The following APBB2 variants were observed in gnomAD, a reference collection of about 807,000 sequenced individuals.
The protein encoded by APBB2 is amyloid beta precursor protein binding family B member 2, also known as Fe65-like 1.
APBB2 carries 38 observed loss-of-function variants against 82.5 expected under a neutral mutation model. The observed-to-expected ratio is 0.46, with a 90% CI of 0.36 to 0.60. APBB2 has a LOEUF of 0.60. Ranked by LOEUF, APBB2 falls within the 20% of genes least tolerant of loss-of-function variation. The pLI, the probability that APBB2 is intolerant of heterozygous loss-of-function variation, is 0.00. For missense variants in APBB2, 772 were observed against 972.3 expected (o/e 0.79, Z 2.74); for synonymous variants, 341 against 368.2 (o/e 0.93, Z 0.85).
At chr4:41,112,840 A>G (rs1329275185) in intron 2 of APBB2, among the ~76,000 whole-genome samples, 1 of 152,104 alleles carries the variant, frequency 6.6e-6, no homozygotes, top group Non-Finnish European at 1.5e-5. Flanking sequence ...ATGCAAAATT[A>G]GCCGGGTGTG....
intron 2 of APBB2, among the ~76,000 whole-genome samples, chr4:41,132,971 T>C (rs927833856): frequency 3.3e-5 from 5 of 151,976 alleles, no homozygotes; most frequent in South Asian, 2.1e-4. Context: ...AAAATTCAAA[T>C]ACAGAAAAGG....
intron 10 of APBB2, among the ~76,000 whole-genome samples, chr4:40,927,713 C>G (rs1406219366): frequency 6.6e-6 from 1 of 152,152 alleles, no homozygotes; most frequent in African/African-American, 2.4e-5. Flanking sequence ...AACTCCTGGG[C>G]TCAAGAGATC....
intron 6 of APBB2, among the ~76,000 whole-genome samples, chr4:40,992,477 T>A (rs1462737087): frequency 6.6e-6 from 1 of 152,056 alleles, no homozygotes; most frequent in Non-Finnish European, 1.5e-5. Flanking sequence ...TGCACCAGAT[T>A]GACACAGCTT....
chr4:41,187,087 C>A (rs988429393), intron 1 of APBB2, among the ~76,000 whole-genome samples: 2 of 152,046 alleles, frequency 1.3e-5, no homozygotes, highest in Admixed American at 6.6e-5. Context: ...GCAAACAACC[C>A]CAGCACAGAA....
intron 1 of APBB2, among the ~76,000 whole-genome samples, chr4:41,205,281 A>G (rs1777653092): frequency 6.6e-6 from 1 of 152,162 alleles, no homozygotes. Context: ...TAAAGGGAAG[A>G]GTTACTAAGC....
chr4:41,148,073 T>TA (rs999647613), intron 1 of APBB2, among the ~76,000 whole-genome samples: 4 of 151,578 alleles, frequency 2.6e-5, no homozygotes, highest in South Asian at 4.2e-4. Context: ...GAGGGTTCGT[T>TA]AAAAAAAAAT....
chr4:41,004,404 A>G (rs547426471), intron 6 of APBB2, among the ~76,000 whole-genome samples: 1 of 152,294 alleles, frequency 6.6e-6, no homozygotes, highest in South Asian at 2.1e-4. Context: ...ACACAAAGAC[A>G]CATTTTGTCA....
chr4:40,956,738 T>C (rs1791733383), intron 6 of APBB2, among the ~76,000 whole-genome samples: 1 of 152,222 alleles, frequency 6.6e-6, no homozygotes, highest in South Asian at 2.1e-4. Context: ...GGAAGCTATT[T>C]GTAGCTGAGG....
chr4:40,966,089 T>A (rs1488541361), intron 6 of APBB2, among the ~76,000 whole-genome samples: 1 of 152,224 alleles, frequency 6.6e-6, no homozygotes, highest in Admixed American at 6.5e-5. Context: ...AATTTACCAA[T>A]ATAGATGCAC....
chr4:41,051,507 T>G (rs1050154341), intron 4 of APBB2, among the ~76,000 whole-genome samples: 2 of 152,166 alleles, frequency 1.3e-5, no homozygotes, highest in African/African-American at 4.8e-5. Flanking sequence ...CTGGGTTAGG[T>G]GGACATTCAA....
intron 12 of APBB2, among the ~76,000 whole-genome samples, chr4:40,852,178 C>T (rs1397467395): frequency 2.7e-5 from 4 of 149,790 alleles, no homozygotes; most frequent in Non-Finnish European, 5.9e-5. Flanking sequence ...AGTGAAACCC[C>T]GTCTCTACTA....
intron 4 of APBB2, among the ~76,000 whole-genome samples, chr4:41,048,668 G>A (rs115788446): frequency 0.16 from 5,870 of 36,942 alleles, 197 homozygotes; most frequent in Middle Eastern, 0.26. Context: ...TCTCCCTCCC[G>A]TCTCCCCTAC....
chr4:40,853,956 C>T (rs1379128005), intron 12 of APBB2, among the ~76,000 whole-genome samples: 2 of 152,128 alleles, frequency 1.3e-5, no homozygotes, highest in African/African-American at 2.4e-5. Context: ...ATTGTTTTTC[C>T]GGCTTATCTC....
In APBB2 at chr4:40,815,883, A is replaced by T; in HGVS notation, c.*209T>A. On this transcript the variant is annotated 3_prime_UTR_variant, in exon 18 of 18. Coordinates refer to ENST00000508593, the MANE Select transcript of APBB2 (RefSeq NM_004307.2). ...CCTTCCACTGCGCATGATGTAACTTACAGCAAAAAAAATTATTCATGCTTC... is the reference window on the plus strand; with the variant it reads ...CCTTCCACTGCGCATGATGTAACTTTCAGCAAAAAAAATTATTCATGCTTC... 1 of 578,454 alleles carries T rather than the reference A, an allele frequency of 1.7e-6. No individual in the cohort carries two copies. Among genetic ancestry groups the T allele is most frequent in the Non-Finnish European group, 3.0e-6 (1 of 329,322 alleles). 35.8% of individuals were successfully genotyped at this position (578,454 alleles called of 1,614,324 possible).
At chr4:40,940,230 G>A (rs1040906978) in intron 7 of APBB2, among the ~76,000 whole-genome samples, 19 of 152,174 alleles carry the variant, frequency 1.2e-4, no homozygotes, top group Non-Finnish European at 1.8e-4. Context: ...TAGCTCTGGG[G>A]AGACAATGGG....
chr4:41,125,540 A>C (rs985482956), intron 2 of APBB2, among the ~76,000 whole-genome samples: 8 of 152,318 alleles, frequency 5.3e-5, no homozygotes, highest in South Asian at 2.1e-4. Flanking sequence ...TCGAAAAAAA[A>C]CAAAATTTAC....
intron 12 of APBB2, among the ~76,000 whole-genome samples, chr4:40,870,293 C>T (rs533357487): frequency 2.7e-4 from 41 of 152,286 alleles, no homozygotes; most frequent in African/African-American, 6.0e-4. Flanking sequence ...TGAGGGGCAG[C>T]GCAGAGGGAG....
chr4:41,073,050 A>G (rs886262323), intron 3 of APBB2, among the ~76,000 whole-genome samples: 8 of 152,214 alleles, frequency 5.3e-5, no homozygotes, highest in Admixed American at 5.2e-4. Flanking sequence ...AATTAAGTAC[A>G]TAACCCCCTA....
At chr4:41,042,232 G>A (rs1671663138) in intron 4 of APBB2, among the ~76,000 whole-genome samples, 1 of 152,010 alleles carries the variant, frequency 6.6e-6, no homozygotes, top group South Asian at 2.1e-4. Context: ...CTCATGATCT[G>A]CCTGCCTCAG....
Sources: gnomAD v4.1 joint callset for allele counts (sites outside exome capture counted in the v4.1 genomes callset) on GRCh38, gnomAD v4.1.1 for gene constraint, MANE v1.5 for transcripts, NCBI Gene and HGNC (gene_info 2026-07-23, HGNC 2026-07-21) for gene names.